The following ARHGAP15 variants were observed in gnomAD, a reference collection of about 807,000 sequenced individuals.
ARHGAP15 encodes the protein rho GTPase-activating protein 15.
In ARHGAP15, 51 loss-of-function variants were observed where a neutral mutation model predicts 63.7. The ratio of observed to expected loss-of-function variants is 0.80; its 90% CI spans 0.64 to 1.01. ARHGAP15 has a LOEUF of 1.01. Ranked by LOEUF, ARHGAP15 falls within the 50% of genes least tolerant of loss-of-function variation. ARHGAP15 has a pLI of 0.00. For synonymous variants in ARHGAP15, 191 were observed against 193.8 expected (o/e 0.99, Z 0.12); for missense variants, 560 against 564.6 (o/e 0.99, Z 0.08).
At chr2:143,666,818 A>C (rs1682219935) in intron 12 of ARHGAP15, among the ~76,000 whole-genome samples, 1 of 149,458 alleles carries the variant, frequency 6.7e-6, no homozygotes, top group Non-Finnish European at 1.5e-5. Flanking sequence ...CACATGAAAA[A>C]ATGCTCATCA....
intron 6 of ARHGAP15, among the ~76,000 whole-genome samples, chr2:143,302,678 A>G (rs1482361096): frequency 6.6e-6 from 1 of 151,944 alleles, no homozygotes; most frequent in Non-Finnish European, 1.5e-5. Context: ...ACCCCCGCCC[A>G]TTAGAAAGCT....
intron 5 of ARHGAP15, among the ~76,000 whole-genome samples, chr2:143,233,493 A>G (rs1463487118): frequency 6.6e-6 from 1 of 152,010 alleles, no homozygotes; most frequent in Admixed American, 6.6e-5. Flanking sequence ...CTGATTGCTC[A>G]TAATATTTTT....
At chr2:143,660,274 T>C (rs909163136) in intron 12 of ARHGAP15, among the ~76,000 whole-genome samples, 2 of 152,220 alleles carry the variant, frequency 1.3e-5, no homozygotes, top group African/African-American at 2.4e-5. Context: ...TCTTCAACTG[T>C]TGAATGTCTT....
intron 6 of ARHGAP15, among the ~76,000 whole-genome samples, chr2:143,299,637 C>T (rs1682808285): frequency 6.6e-6 from 1 of 151,964 alleles, no homozygotes; most frequent in Non-Finnish European, 1.5e-5. Flanking sequence ...GGTACTCTCT[C>T]TCCTTTTCCT....
intron 13 of ARHGAP15, among the ~76,000 whole-genome samples, chr2:143,765,123 G>A (rs913886789): frequency 1.3e-5 from 2 of 150,544 alleles, no homozygotes; most frequent in Admixed American, 6.6e-5. Context: ...GTGTGTGTGT[G>A]TGTGTGTGTG....
chr2:143,441,618 G>C (rs1689887122), intron 8 of ARHGAP15, among the ~76,000 whole-genome samples: 2 of 152,154 alleles, frequency 1.3e-5, no homozygotes, highest in Admixed American at 6.6e-5. Flanking sequence ...TGTAGGTTAT[G>C]CTTTAGTAGT....
chr2:143,328,610 G>A (rs1285442445), intron 6 of ARHGAP15, among the ~76,000 whole-genome samples: 1 of 152,142 alleles, frequency 6.6e-6, no homozygotes, highest in Non-Finnish European at 1.5e-5. Flanking sequence ...GGGAGGGATA[G>A]CATTAGGAGA....
At chr2:143,572,452 T>A (rs10187194) in intron 11 of ARHGAP15, among the ~76,000 whole-genome samples, 46,243 of 151,942 alleles carry the variant, frequency 0.3, 8,319 homozygotes, top group African/African-American at 0.51. Context: ...AGCGTTATCA[T>A]CCCCATCTCT....
intron 6 of ARHGAP15, among the ~76,000 whole-genome samples, chr2:143,380,043 G>T (rs1481556415): frequency 1.3e-5 from 2 of 151,966 alleles, no homozygotes; most frequent in Admixed American, 6.6e-5. Flanking sequence ...GGGATAAAAA[G>T]AAATACATCA....
At chr2:143,436,525 C>T (rs1689619768) in intron 7 of ARHGAP15, among the ~76,000 whole-genome samples, 2 of 152,056 alleles carry the variant, frequency 1.3e-5, no homozygotes, top group Non-Finnish European at 2.9e-5. Context: ...AGTTTGTTGC[C>T]ATTGAGGATG....
chr2:143,137,012 A>G (rs1689171137), intron 1 of ARHGAP15, among the ~76,000 whole-genome samples: 2 of 152,094 alleles, frequency 1.3e-5, no homozygotes, highest in Admixed American at 1.3e-4. Context: ...TCATTGTCCA[A>G]GGAGTAGACA....
rs1430543226 is a variant in ARHGAP15, at chr2:143,555,394, C to T, written c.926-1014C>T. Among the ~76,000 whole-genome samples the T allele has an allele frequency of 2.6e-5, 4 of 152,156 alleles. No homozygotes were observed. The South Asian group carries it at 8.3e-4, about 32-fold the overall frequency. ...CACCTCCCTAGAGAAACTGCTAAGA[C>T]CTCTGCATCTGCTGGCAATCTCAGC... On this transcript the variant is annotated intron_variant, in intron 10 of 13. Coordinates refer to ENST00000295095, the MANE Select transcript of ARHGAP15 (RefSeq NM_018460.4).
intron 5 of ARHGAP15, among the ~76,000 whole-genome samples, chr2:143,243,514 ATATT>A (rs1420411400): frequency 2.0e-5 from 3 of 152,152 alleles, no homozygotes; most frequent in Admixed American, 2.0e-4. Flanking sequence ...ATTTAAATTC[ATATT>A]TAGTCATTTT....
At chr2:143,651,762 G>A (rs979177761) in intron 12 of ARHGAP15, among the ~76,000 whole-genome samples, 6 of 151,858 alleles carry the variant, frequency 4.0e-5, no homozygotes, top group Admixed American at 3.9e-4. Context: ...ATTTAAGTAG[G>A]TTTGTACAGG....
chr2:143,501,228 C>G (rs1693039982), intron 9 of ARHGAP15, among the ~76,000 whole-genome samples: 1 of 152,136 alleles, frequency 6.6e-6, no homozygotes, highest in Admixed American at 6.5e-5. Flanking sequence ...TAATTTGTAC[C>G]ACCTCATACA....
intron 6 of ARHGAP15, among the ~76,000 whole-genome samples, chr2:143,339,586 G>T (rs1437623833): frequency 6.6e-6 from 1 of 152,010 alleles, no homozygotes; most frequent in Non-Finnish European, 1.5e-5. Context: ...TACTCTATTG[G>T]CAGCGAGGCC....
intron 6 of ARHGAP15, among the ~76,000 whole-genome samples, chr2:143,384,058 T>C (rs1262329147): frequency 1.3e-5 from 2 of 152,160 alleles, no homozygotes; most frequent in Admixed American, 6.6e-5. Context: ...CCGAGGGTAA[T>C]TCAACCTTGC....
At chr2:143,302,886 A>T (rs1301266774) in intron 6 of ARHGAP15, among the ~76,000 whole-genome samples, 1 of 151,986 alleles carries the variant, frequency 6.6e-6, no homozygotes, top group Non-Finnish European at 1.5e-5. Flanking sequence ...GAAGATAAAT[A>T]TAATAATTCT....
At chr2:143,684,409 C>T (rs1403062562) in intron 12 of ARHGAP15, among the ~76,000 whole-genome samples, 13 of 152,044 alleles carry the variant, frequency 8.6e-5, no homozygotes, top group African/African-American at 2.9e-4. Context: ...TAACCAAATA[C>T]CCTAGCTGAT....
Sources: gnomAD v4.1 joint callset for allele counts (sites outside exome capture counted in the v4.1 genomes callset) on GRCh38, gnomAD v4.1.1 for gene constraint, MANE v1.5 for transcripts, NCBI Gene and HGNC (gene_info 2026-07-23, HGNC 2026-07-21) for gene names.